LIG1: variants seen among roughly 807,000 people sequenced by gnomAD.
The protein encoded by LIG1 is ligase I, DNA, ATP-dependent.
Under a neutral mutation model 115.7 loss-of-function variants are expected in LIG1, and 70 were observed. The observed-to-expected ratio is 0.60, with a 90% CI of 0.50 to 0.74. The LOEUF (loss-of-function observed/expected upper bound fraction) is 0.74, where lower values mean the gene tolerates loss of function less well. Among genes scored for constraint, LIG1 ranks in the 30% least tolerant of loss-of-function variants. LIG1 has a pLI of 0.00. For missense variants in LIG1, 1,115 were observed against 1,225.6 expected, an observed-to-expected ratio of 0.91 and a Z score of 1.35; for synonymous variants, 487 against 495.3, an observed-to-expected ratio of 0.98 and a Z score of 0.22.
At chr19:48,141,437 C>T (rs1484005695) in intron 11 of LIG1, among the ~76,000 whole-genome samples, 1 of 152,210 alleles carries the variant, frequency 6.6e-6, no homozygotes, top group East Asian at 1.9e-4. Context: ...CAGCCCTTTG[C>T]ACCTTTTAAC....
chr19:48,116,944 C>A (rs1347487138), intron 26 of LIG1, among the ~76,000 whole-genome samples: 3 of 152,178 alleles, frequency 2.0e-5, no homozygotes, highest in Non-Finnish European at 4.4e-5. Context: ...TGTGACCAGC[C>A]TAGTCAACAT....
At position 48,120,456 on chromosome 19, in the gene LIG1, G is replaced by A. The variant is rs115324813; in HGVS notation, c.2385+714C>T. ...GTCTCTGGGTGGTACGATTCTAGGT[G>A]ATATTTTGTTCTGTTTCTGTGGCAA... On this transcript the variant is annotated intron_variant, in intron 24 of 27. Coordinates refer to ENST00000263274, the MANE Select transcript of LIG1 (RefSeq NM_000234.3). 7.7e-4 allele frequency: 758 copies of A among 985,380 alleles called. 3 individuals carry two copies. The African/African-American group carries it at 0.013, about 16-fold the overall frequency. 61.0% of individuals were successfully genotyped at this position (985,380 alleles called of 1,614,324 possible).
intron 1 of LIG1, among the ~76,000 whole-genome samples, chr19:48,167,883 A>T (rs531792699): frequency 6.6e-6 from 1 of 152,112 alleles, no homozygotes; most frequent in Non-Finnish European, 1.5e-5. Context: ...ATTTCCAAAC[A>T]GAGTTTCTCA....
chr19:48,120,673 C>G, intron 24 of LIG1: 2 of 550,506 alleles, frequency 3.6e-6, no homozygotes, highest in Non-Finnish European at 4.6e-6. Flanking sequence ...AAGGTGTTCA[C>G]TGGCTGAGGC....
chr19:48,120,902 T>G, intron 24 of LIG1: 1 of 1,268,530 alleles, frequency 7.9e-7, no homozygotes, highest in South Asian at 2.0e-5. Context: ...AACAAAAAAA[T>G]TCTTTTCTTA....
intron 2 of LIG1, among the ~76,000 whole-genome samples, chr19:48,163,252 C>T (rs1008098535): frequency 1.3e-5 from 2 of 150,882 alleles, no homozygotes; most frequent in African/African-American, 4.9e-5. Context: ...GGAGTTTTCA[C>T]TCTTGTTGCC....
chr19:48,151,330 G>T lies in LIG1; in HGVS notation c.476C>A (p.Thr159Asn). Residue 159 changes from threonine to asparagine, a missense_variant, in exon 7 of 28, where the codon ACC becomes AAC. Coordinates refer to ENST00000263274, the MANE Select transcript of LIG1 (RefSeq NM_000234.3). ...AGCCTCTGTGAGGCTTTCTTTCGGG[G>T]TCTCCTCTTCTGACGATAGACAGAA... ...KRKKEEEEEE[T>N]PKESLTEAEV... 6.2e-7 allele frequency: 1 copy of T among 1,609,468 alleles called. No homozygotes were observed. The highest frequency in any genetic ancestry group is 8.5e-7 in the Non-Finnish European group (1 of 1,175,884).
At chr19:48,140,257 A>C in intron 11 of LIG1, 114 bp from the exon 12 acceptor site, 1 of 729,138 alleles carries the variant, frequency 1.4e-6, no homozygotes, top group Non-Finnish European at 2.3e-6. Flanking sequence ...AAGAAGAGGA[A>C]AGGGCTCAGA....
rs369603344 is a variant in LIG1 at position 48,151,224 on chromosome 19, A to G, written c.574+8T>C. 1 of 1,594,796 alleles carries G rather than the reference A, an allele frequency of 6.3e-7. No individual in the cohort carries two copies. Among genetic ancestry groups the G allele is most frequent in the Admixed American group, 1.7e-5 (1 of 59,960 alleles). On this transcript the variant is annotated splice_region_variant and intron_variant, in intron 7 of 27. Transcript: ENST00000263274. ...GGGGCAGGGCGGAGGAGAGGACCAG[A>G]AACTCACTGGAGGTCTTTAGGGGCT...
At chr19:48,147,245 T>C (rs1182470956) in intron 9 of LIG1, 2 of 152,224 alleles carry the variant, frequency 1.3e-5, no homozygotes. Flanking sequence ...CCAAACCCCT[T>C]TTCCGTTAAT....
intron 20 of LIG1, 65 bp downstream of exon 20, chr19:48,127,845 G>T: frequency 7.4e-7 from 1 of 1,358,338 alleles, no homozygotes; most frequent in Non-Finnish European, 1.1e-6. Context: ...AGGACCCACA[G>T]CCAGGACTGG....
At chr19:48,127,201 T>C in intron 21 of LIG1, 76 bp downstream of exon 21, 1 of 1,203,496 alleles carries the variant, frequency 8.3e-7, no homozygotes, top group Non-Finnish European at 1.2e-6. Flanking sequence ...GAAATGGAAG[T>C]CAGAGGGGCA....
chr19:48,154,163 T>C (rs909385375), intron 5 of LIG1, 196 bp from the exon 6 acceptor site: 72 of 620,076 alleles, frequency 1.2e-4, no homozygotes, highest in Non-Finnish European at 1.8e-4. Flanking sequence ...CTTGGGCAGG[T>C]TACTTAATTT....
intron 16 of LIG1, among the ~76,000 whole-genome samples, chr19:48,134,651 C>T (rs1284143973): frequency 6.6e-6 from 1 of 152,250 alleles, no homozygotes; most frequent in Non-Finnish European, 1.5e-5. Context: ...GGGCGAGACT[C>T]CGTCTCAAAC....
In LIG1 at chr19:48,156,986, GAAGGGGCA is replaced by G. The variant is rs3730867; in HGVS notation, c.370+20_370+27del. On this transcript the variant is annotated intron_variant, in intron 5 of 27. Transcript: ENST00000263274. ...AAGAGAAAAAGAAAGGCAGGCGACT[GAAGGGGCA>G]GGGGCCCGTGTGTTCTCACCTGTGC... 704,611 of 1,479,514 alleles carry G rather than the reference GAAGGGGCA, an allele frequency of 0.48. 178,939 individuals carry two copies. The highest frequency in any genetic ancestry group is 0.65 in the East Asian group (27,605 of 42,386). 91.6% of individuals were successfully genotyped at this position (1,479,514 alleles called of 1,614,324 possible).
chr19:48,136,418 A>T (rs1439268291), intron 14 of LIG1, among the ~76,000 whole-genome samples: 1 of 152,130 alleles, frequency 6.6e-6, no homozygotes, highest in African/African-American at 2.4e-5. Flanking sequence ...CTTGAGGAGG[A>T]TGAGTCAGGG....
At chr19:48,149,723 A>C (rs1428900517) in intron 9 of LIG1, 40 bp downstream of exon 9, 20 of 1,523,776 alleles carry the variant, frequency 1.3e-5, no homozygotes, top group Non-Finnish European at 1.8e-5. Flanking sequence ...AGAAGGGAAC[A>C]CATCCCGAAG....
chr19:48,125,045 A>G (rs1436515666), intron 21 of LIG1, among the ~76,000 whole-genome samples: 4 of 152,114 alleles, frequency 2.6e-5, no homozygotes, highest in South Asian at 2.1e-4. Context: ...ATGAGGACAC[A>G]TTAAACAGAA....
At chr19:48,140,919 G>T (rs1055230082) in intron 11 of LIG1, among the ~76,000 whole-genome samples, 1 of 152,124 alleles carries the variant, frequency 6.6e-6, no homozygotes, top group Non-Finnish European at 1.5e-5. Flanking sequence ...CCGGTCTCCC[G>T]CACAGCCAGC....
Sources: gnomAD v4.1 joint callset for allele counts (sites outside exome capture counted in the v4.1 genomes callset) on GRCh38, gnomAD v4.1.1 for gene constraint, MANE v1.5 for transcripts, NCBI Gene and HGNC (gene_info 2026-07-23, HGNC 2026-07-21) for gene names.